SLCO3A1: variants seen among roughly 807,000 people sequenced by gnomAD.
SLCO3A1 encodes PGE1 transporter.
SLCO3A1 carries 27 observed loss-of-function variants against 63.1 expected under a neutral mutation model. The observed-to-expected ratio is 0.43, with a 90% CI of 0.32 to 0.59. The LOEUF (loss-of-function observed/expected upper bound fraction) is 0.59, where lower values mean the gene tolerates loss of function less well. SLCO3A1 is among the 20% of genes least tolerant of loss of function. SLCO3A1 has a pLI of 0.09. For synonymous variants in SLCO3A1, 473 were observed against 409.9 expected (o/e 1.15, Z -1.86); for missense variants, 773 against 945.8 (o/e 0.82, Z 2.40).
chr15:92,162,397 G>A (rs532201789), intron 9 of SLCO3A1: 2 of 194,874 alleles, frequency 1.0e-5, no homozygotes, highest in Admixed American at 1.1e-4. Context: ...TGATCCACCT[G>A]CTTCAGCCTC....
At chr15:91,857,326 G>C (rs748880602) in intron 1 of SLCO3A1, among the ~76,000 whole-genome samples, 1 of 152,046 alleles carries the variant, frequency 6.6e-6, no homozygotes, top group Non-Finnish European at 1.5e-5. Flanking sequence ...GGCCAACTGT[G>C]GATTCTGAAA....
Position 92,079,039 on chromosome 15 carries a change from C to T in SLCO3A1, c.647-15842C>T, listed in dbSNP as rs113041589. Among the ~76,000 whole-genome samples, 724 of 152,312 alleles carry T rather than the reference C, an allele frequency of 4.8e-3. 9 individuals carry two copies. Among genetic ancestry groups the T allele is most frequent in the African/African-American group, 0.016 (669 of 41,570 alleles). ...TTCCAAGCCTGCCCTTTGCTAGGCACGGTGAGGGGGTCCAGCGATAATGAG... is the reference window on the plus strand; with the variant it reads ...TTCCAAGCCTGCCCTTTGCTAGGCATGGTGAGGGGGTCCAGCGATAATGAG... On this transcript the variant is annotated intron_variant, in intron 2 of 9. Transcript: ENST00000318445.
chr15:92,134,050 G>T (rs1408780891), intron 7 of SLCO3A1, among the ~76,000 whole-genome samples: 1 of 152,234 alleles, frequency 6.6e-6, no homozygotes, highest in Non-Finnish European at 1.5e-5. Flanking sequence ...TAGCTATCAT[G>T]GGACCTGCAC....
intron 4 of SLCO3A1, among the ~76,000 whole-genome samples, chr15:92,114,670 A>G (rs2047771448): frequency 1.3e-5 from 2 of 151,874 alleles, no homozygotes; most frequent in Admixed American, 1.3e-4. Flanking sequence ...ACTGTCATTT[A>G]TCTCATCTAA....
At chr15:92,001,824 G>GTTTTT (rs1555423043) in intron 2 of SLCO3A1, among the ~76,000 whole-genome samples, 2 of 125,892 alleles carry the variant, frequency 1.6e-5, no homozygotes, top group Non-Finnish European at 3.4e-5. Flanking sequence ...AGTTGTGTGA[G>GTTTTT]TTCTTTTTTT....
intron 2 of SLCO3A1, among the ~76,000 whole-genome samples, chr15:91,970,666 C>T (rs1900826479): frequency 6.6e-6 from 1 of 152,152 alleles, no homozygotes; most frequent in South Asian, 2.1e-4. Context: ...TCCTTCAAAC[C>T]TCTGGGTTTC....
rs2047031699 is a variant in SLCO3A1, at chr15:92,057,167, GA to G, written c.647-37712del. Among the ~76,000 whole-genome samples the G allele has an allele frequency of 1.3e-5, 2 of 152,140 alleles. 1 individual carries two copies. On this transcript the variant is annotated intron_variant, in intron 2 of 9. Transcript: ENST00000318445. ...TCTTAGCTTTCTGTCATTCCAAGCCGAAGGTGCTGGGGCCTGATTGCCACCT... is the reference window on the plus strand; with the variant it reads ...TCTTAGCTTTCTGTCATTCCAAGCCGAGGTGCTGGGGCCTGATTGCCACCT...
At chr15:92,037,164 T>C (rs900982326) in intron 2 of SLCO3A1, among the ~76,000 whole-genome samples, 2 of 152,190 alleles carry the variant, frequency 1.3e-5, no homozygotes, top group African/African-American at 4.8e-5. Flanking sequence ...TAGTTTCTCT[T>C]GCTTACAACC....
chr15:91,940,789 T>TGTGA (rs1399136674), intron 2 of SLCO3A1, among the ~76,000 whole-genome samples: 2 of 152,066 alleles, frequency 1.3e-5, no homozygotes, highest in Non-Finnish European at 2.9e-5. Context: ...TATGGGGAGA[T>TGTGA]GTGAGTGAGT....
rs1254096258 is a variant in SLCO3A1, at chr15:91,883,891, C to T, written c.180+29803C>T. Among the ~76,000 whole-genome samples, 1 of 152,200 alleles carries T rather than the reference C, an allele frequency of 6.6e-6. No homozygotes were observed. The highest frequency in any genetic ancestry group is 1.9e-4 in the East Asian group (1 of 5,190). On this transcript the variant is annotated intron_variant, in intron 1 of 9. Transcript: ENST00000318445. This position sits in a 1 kb window ranked among gnomAD's most constrained non-coding sequence, Gnocchi z 4.8. ...TTCTGCTGTCCTTTTCATCCTCACA[C>T]TGAGATGCTTGCAGAAACATCTCAC...
At chr15:92,135,667 G>T (rs975932953) in intron 7 of SLCO3A1, among the ~76,000 whole-genome samples, 11 of 152,358 alleles carry the variant, frequency 7.2e-5, no homozygotes, top group Non-Finnish European at 7.4e-5. Flanking sequence ...AGTGAATTAT[G>T]AGAAAATCCA....
intron 2 of SLCO3A1, among the ~76,000 whole-genome samples, chr15:92,012,974 C>G (rs371101139): frequency 1.4e-4 from 21 of 152,160 alleles, no homozygotes; most frequent in African/African-American, 4.8e-4. Context: ...CTCTCACAGC[C>G]TGAAAATTAA....
At position 91,968,106 on chromosome 15, in the gene SLCO3A1, C is replaced by G. The variant is rs1309582919; in HGVS notation, c.646+51648C>G. ...GGAAAGTACCCAGGGAAGCCACTTA[C>G]GGCCTATCCATCAAAGCACAGTGCG... On this transcript the variant is annotated intron_variant, in intron 2 of 9. Transcript: ENST00000318445. This position sits in a 1 kb window ranked among gnomAD's most constrained non-coding sequence, Gnocchi z 4.2. Among the ~76,000 whole-genome samples, 1 of 152,146 alleles carries G rather than the reference C, an allele frequency of 6.6e-6. No individual in the cohort carries two copies. The highest frequency in any genetic ancestry group is 2.4e-5 in the African/African-American group (1 of 41,432).
At chr15:92,049,180 G>A (rs904896386) in intron 2 of SLCO3A1, among the ~76,000 whole-genome samples, 3 of 152,108 alleles carry the variant, frequency 2.0e-5, no homozygotes, top group South Asian at 2.1e-4. Flanking sequence ...CAGGCAGGTC[G>A]TGCCTGCATC....
At chr15:92,134,084 G>A (rs1490932849) in intron 7 of SLCO3A1, among the ~76,000 whole-genome samples, 1 of 152,208 alleles carries the variant, frequency 6.6e-6, no homozygotes, top group Non-Finnish European at 1.5e-5. Flanking sequence ...TGGTTGGCTG[G>A]AACTGAGAAG....
chr15:92,046,937 G>T lies in SLCO3A1; in HGVS notation c.647-47944G>T, dbSNP rs1486957398. On this transcript the variant is annotated intron_variant, in intron 2 of 9. Coordinates refer to ENST00000318445, the MANE Select transcript of SLCO3A1 (RefSeq NM_013272.4). ...CTCCTGGGGGATAATGATGCTGCTG[G>T]TTGCAGCCCACACATTGAAAACCAT... 3.8e-5 allele frequency among the ~76,000 whole-genome samples: 5 copies of T among 131,072 alleles called. No individual in the cohort carries two copies. The East Asian group carries it at 8.5e-4, about 22-fold the overall frequency. The allele number at this position is 131,072 out of a possible 152,430, so 86.0% of individuals were successfully genotyped here. A position where few individuals can be genotyped will look rare whatever the true frequency, so the allele number is the denominator to read the frequency against.
chr15:92,172,150 A>C, exon 11 of SLCO3A1: 1 of 298,632 alleles, frequency 3.3e-6, no homozygotes, highest in South Asian at 9.5e-5. Flanking sequence ...CCATCCCTCT[A>C]CCTCCTCTGG....
At chr15:92,026,357 A>C (rs1434081762) in intron 2 of SLCO3A1, among the ~76,000 whole-genome samples, 1 of 152,244 alleles carries the variant, frequency 6.6e-6, no homozygotes, top group Non-Finnish European at 1.5e-5. Context: ...ACAGCCTATA[A>C]GAAGTTTCTC....
intron 2 of SLCO3A1, among the ~76,000 whole-genome samples, chr15:91,965,477 A>C (rs1055353518): frequency 2.6e-5 from 4 of 152,158 alleles, no homozygotes; most frequent in East Asian, 3.9e-4. Context: ...GAGGCTCTCT[A>C]AAAATATCCT....
Sources: gnomAD v4.1 joint callset for allele counts (sites outside exome capture counted in the v4.1 genomes callset) on GRCh38, gnomAD v4.1.1 for gene constraint, Gnocchi (gnomAD v3.1) non-coding constraint, MANE v1.5 for transcripts, NCBI Gene and HGNC (gene_info 2026-07-23, HGNC 2026-07-21) for gene names.